The following BBX variants were observed in gnomAD, a reference collection of about 807,000 sequenced individuals.
The protein encoded by BBX is HMG box transcription factor BBX.
BBX carries 30 observed loss-of-function variants against 100.2 expected under a neutral mutation model. That is an observed-to-expected ratio of 0.30 (90% CI 0.22 to 0.41). The LOEUF (loss-of-function observed/expected upper bound fraction) is 0.41. BBX is among the 10% of genes least tolerant of loss of function. The pLI, the probability that BBX is intolerant of heterozygous loss-of-function variation, is 1.00. For missense variants in BBX, 1,023 were observed against 1,129.8 expected, an observed-to-expected ratio of 0.91 and a Z score of 1.35; for synonymous variants, 376 against 388.1, an observed-to-expected ratio of 0.97 and a Z score of 0.37.
intron 2 of BBX, among the ~76,000 whole-genome samples, chr3:107,554,323 T>C (rs2049919931): frequency 6.6e-6 from 1 of 152,248 alleles, no homozygotes; most frequent in Non-Finnish European, 1.5e-5. Flanking sequence ...TTCACTCACA[T>C]TTTCTATGTG....
intron 3 of BBX, chr3:107,659,761 T>C: frequency 7.8e-7 from 1 of 1,279,792 alleles, no homozygotes; most frequent in South Asian, 1.2e-5. Flanking sequence ...ATGCACTGTT[T>C]ATTTTTAACG....
intron 7 of BBX, among the ~76,000 whole-genome samples, chr3:107,741,283 C>T (rs910827271): frequency 6.6e-6 from 1 of 152,008 alleles, no homozygotes; most frequent in Non-Finnish European, 1.5e-5. Context: ...GGCCAGTTCA[C>T]TTTTTTATGT....
At chr3:107,564,273 A>G (rs1225824518) in intron 2 of BBX, among the ~76,000 whole-genome samples, 1 of 152,054 alleles carries the variant, frequency 6.6e-6, no homozygotes, top group Non-Finnish European at 1.5e-5. Flanking sequence ...TTACATATAT[A>G]GTCTGTATAT....
chr3:107,592,441 T>C (rs1357471152), intron 2 of BBX, among the ~76,000 whole-genome samples: 1 of 150,804 alleles, frequency 6.6e-6, no homozygotes, highest in East Asian at 1.9e-4. Flanking sequence ...AAAAATCTTA[T>C]AAAACTGATT....
chr3:107,644,177 TG>T (rs1432092344), intron 2 of BBX, among the ~76,000 whole-genome samples: 1 of 145,970 alleles, frequency 6.9e-6, no homozygotes, highest in East Asian at 2.1e-4. Flanking sequence ...TGAAGATTAA[TG>T]AGTTTATCTT....
intron 5 of BBX, among the ~76,000 whole-genome samples, chr3:107,721,408 GCTAGCA>G (rs1332649045): frequency 6.6e-6 from 1 of 151,866 alleles, no homozygotes; most frequent in Non-Finnish European, 1.5e-5. Flanking sequence ...TCCACCCTCA[GCTAGCA>G]CTTGCCATTT....
intron 2 of BBX, among the ~76,000 whole-genome samples, chr3:107,589,175 C>T (rs1022035519): frequency 2.6e-5 from 4 of 152,136 alleles, no homozygotes; most frequent in African/African-American, 9.7e-5. Context: ...AATTAAGGAA[C>T]TATTTCATTG....
chr3:107,629,764 T>C (rs188549875), intron 2 of BBX, among the ~76,000 whole-genome samples: 61 of 152,320 alleles, frequency 4.0e-4, no homozygotes, highest in Non-Finnish European at 7.5e-4. Flanking sequence ...TTATCAAATG[T>C]GGTGGAGAAC....
At chr3:107,634,293 A>G (rs1259438076) in intron 2 of BBX, among the ~76,000 whole-genome samples, 1 of 152,226 alleles carries the variant, frequency 6.6e-6, no homozygotes, top group Non-Finnish European at 1.5e-5. Flanking sequence ...GAACTTCAAA[A>G]GAGAAACCTA....
chr3:107,680,210 C>T (rs548062447), intron 3 of BBX, among the ~76,000 whole-genome samples: 51 of 152,236 alleles, frequency 3.4e-4, no homozygotes, highest in African/African-American at 1.2e-3. Flanking sequence ...TTAGGAATGT[C>T]TGGAAAAGCT....
chr3:107,569,779 T>C (rs961497971), intron 2 of BBX, among the ~76,000 whole-genome samples: 3 of 152,102 alleles, frequency 2.0e-5, no homozygotes, highest in African/African-American at 7.2e-5. Context: ...AAGAAGGTAA[T>C]GTGGAGTGGG....
At chr3:107,598,356 G>GT (rs1168962414) in intron 2 of BBX, among the ~76,000 whole-genome samples, 1 of 152,120 alleles carries the variant, frequency 6.6e-6, no homozygotes, top group Non-Finnish European at 1.5e-5. Context: ...CTAATTCTCT[G>GT]TAAGTTTTCC....
intron 3 of BBX, among the ~76,000 whole-genome samples, chr3:107,660,760 A>G (rs973597572): frequency 2.0e-5 from 3 of 152,156 alleles, no homozygotes; most frequent in African/African-American, 7.2e-5. Flanking sequence ...GAATGTTACT[A>G]AAAAGGCATG....
intron 2 of BBX, among the ~76,000 whole-genome samples, chr3:107,545,148 GT>G (rs1468203713): frequency 2.0e-5 from 3 of 152,024 alleles, no homozygotes; most frequent in African/African-American, 7.2e-5. Context: ...CCAATTTAAT[GT>G]ATTTTCCAAG....
At chr3:107,560,896 A>G (rs978804760) in intron 2 of BBX, among the ~76,000 whole-genome samples, 1 of 152,242 alleles carries the variant, frequency 6.6e-6, no homozygotes, top group African/African-American at 2.4e-5. Context: ...AGGAAGACCA[A>G]ATTAAAAGAA....
chr3:107,646,524 A>C (rs2057529216), intron 3 of BBX, among the ~76,000 whole-genome samples: 1 of 152,062 alleles, frequency 6.6e-6, no homozygotes, highest in South Asian at 2.1e-4. Flanking sequence ...TTAGGGGAAA[A>C]ATTTTTTTAA....
At chr3:107,528,217 A>G (rs1470169058) in intron 2 of BBX, among the ~76,000 whole-genome samples, 2 of 152,194 alleles carry the variant, frequency 1.3e-5, no homozygotes, top group Admixed American at 6.5e-5. Flanking sequence ...TTTGAGGCTT[A>G]CTTATCAAAA....
chr3:107,523,716 A>AG (rs2047535773), intron 1 of BBX: 1 of 152,316 alleles, frequency 6.6e-6, no homozygotes, highest in Non-Finnish European at 1.5e-5. Flanking sequence ...GGGGCAGTGG[A>AG]GGAAGGTACG....
intron 2 of BBX, chr3:107,599,517 T>C (rs1327752815): frequency 6.6e-6 from 1 of 152,196 alleles, no homozygotes; most frequent in East Asian, 1.9e-4. Flanking sequence ...TCATCTTGAA[T>C]TTTGTTGTCA....
Sources: gnomAD v4.1 joint callset for allele counts (sites outside exome capture counted in the v4.1 genomes callset) on GRCh38, gnomAD v4.1.1 for gene constraint, MANE v1.5 for transcripts, NCBI Gene and HGNC (gene_info 2026-07-23, HGNC 2026-07-21) for gene names.